SLC14A2: variants seen among roughly 807,000 people sequenced by gnomAD.
SLC14A2 encodes urea transporter 2.
Under a neutral mutation model 104.6 loss-of-function variants are expected in SLC14A2, and 91 were observed. The observed-to-expected ratio is 0.87, with a 90% CI of 0.73 to 1.04. The LOEUF is 1.04. SLC14A2 is among the 50% of genes least tolerant of loss of function. SLC14A2 has a pLI of 0.00. For synonymous variants in SLC14A2, 476 were observed against 466.4 expected (o/e 1.02, Z -0.27); for missense variants, 1,189 against 1,156.0 (o/e 1.03, Z -0.41).
At chr18:45,501,149 A>G (rs1208553386) in intron 2 of SLC14A2, among the ~76,000 whole-genome samples, 1 of 152,266 alleles carries the variant, frequency 6.6e-6, no homozygotes, top group Non-Finnish European at 1.5e-5. Flanking sequence ...CAAAAAGGCT[A>G]TAACTTGCCC....
intron 1 of SLC14A2, among the ~76,000 whole-genome samples, chr18:45,390,332 T>C (rs1371743810): frequency 6.6e-6 from 1 of 152,084 alleles, no homozygotes; most frequent in Non-Finnish European, 1.5e-5. Flanking sequence ...ATCTAATCAC[T>C]TCCTCAGTGC....
At chr18:45,393,355 T>C (rs1325718653) in intron 1 of SLC14A2, among the ~76,000 whole-genome samples, 1 of 152,114 alleles carries the variant, frequency 6.6e-6, no homozygotes, top group Non-Finnish European at 1.5e-5. Context: ...ATGCCTGAAT[T>C]TTTGCCAGTG....
intron 1 of SLC14A2, among the ~76,000 whole-genome samples, chr18:45,237,836 G>A (rs1415291515): frequency 6.6e-6 from 1 of 152,214 alleles, no homozygotes; most frequent in East Asian, 1.9e-4. Flanking sequence ...GCCCCTGGGA[G>A]TGCCTTGTCC....
At position 45,625,826 on chromosome 18, in the gene SLC14A2, C is replaced by T; in HGVS notation, c.294C>T (p.Leu98=). Reference sequence around the variant, plus strand: ...GCCTCTCCAAAGCAGTGGGCTACCTCACGGGCGACATGAAGGAGTACAGGA... The same window carrying T: ...GCCTCTCCAAAGCAGTGGGCTACCTTACGGGCGACATGAAGGAGTACAGGA... ...CICLSKAVGY[L]TGDMKEYRIW... is the part of the protein sequence containing the mutation. Residue 98 remains leucine, a synonymous_variant, in exon 3 of 20, where the codon CTC becomes CTT. Transcript: ENST00000255226. 1 of 1,507,680 alleles carries T rather than the reference C, an allele frequency of 6.6e-7. No homozygotes were observed. The highest frequency in any genetic ancestry group is 1.4e-5 in the South Asian group (1 of 73,858). The allele number at this position is 1,507,680 out of a possible 1,614,324, so 93.4% of individuals were successfully genotyped here.
intron 1 of SLC14A2, among the ~76,000 whole-genome samples, chr18:45,251,140 A>G (rs919659842): frequency 5.9e-5 from 9 of 152,124 alleles, no homozygotes; most frequent in African/African-American, 1.9e-4. Flanking sequence ...AGCAGTATAC[A>G]CTGAACCCAA....
chr18:45,225,754 G>A (rs1346538377), intron 1 of SLC14A2, among the ~76,000 whole-genome samples: 1 of 152,128 alleles, frequency 6.6e-6, no homozygotes, highest in Non-Finnish European at 1.5e-5. Context: ...TGAAGCAATT[G>A]TGAATGGGAG....
At chr18:45,618,295 T>C (rs2045105520) in intron 1 of SLC14A2, among the ~76,000 whole-genome samples, 1 of 152,182 alleles carries the variant, frequency 6.6e-6, no homozygotes, top group Non-Finnish European at 1.5e-5. Flanking sequence ...AATATATCAA[T>C]CCAACTAATA....
At chr18:45,552,387 T>G (rs1456840620) in intron 2 of SLC14A2, among the ~76,000 whole-genome samples, 1 of 117,684 alleles carries the variant, frequency 8.5e-6, no homozygotes, top group Non-Finnish European at 1.9e-5. Flanking sequence ...CCCCACCCCC[T>G]GCATTTTCTT....
chr18:45,343,264 C>T (rs551305755), intron 1 of SLC14A2, among the ~76,000 whole-genome samples: 37 of 151,762 alleles, frequency 2.4e-4, no homozygotes, highest in Non-Finnish European at 5.0e-4. Flanking sequence ...TGAGACTCTG[C>T]ATCTGAAATG....
chr18:45,630,135 T>C (rs1181085551), intron 4 of SLC14A2, among the ~76,000 whole-genome samples: 2 of 152,226 alleles, frequency 1.3e-5, no homozygotes, highest in Non-Finnish European at 2.9e-5. Flanking sequence ...ATTCTAAGCA[T>C]GTTCAGGAGA....
chr18:45,520,956 G>T (rs1256972737), intron 2 of SLC14A2, among the ~76,000 whole-genome samples: 1 of 152,162 alleles, frequency 6.6e-6, no homozygotes, highest in Non-Finnish European at 1.5e-5. Flanking sequence ...CCCCAGCAGT[G>T]GGAATGGGTG....
intron 2 of SLC14A2, among the ~76,000 whole-genome samples, chr18:45,520,130 A>C (rs2043497319): frequency 6.6e-6 from 1 of 152,224 alleles, no homozygotes; most frequent in Non-Finnish European, 1.5e-5. Flanking sequence ...GAAAGTTAAA[A>C]AGATGCTTTA....
chr18:45,182,595 C>T, the SLC14A2 span, among the ~76,000 whole-genome samples: 1 of 151,730 alleles, frequency 6.6e-6, no homozygotes, highest in Non-Finnish European at 1.5e-5. Flanking sequence ...AGAAAAGATA[C>T]ATAGACATCA....
At chr18:45,551,510 G>A (rs1226107288) in intron 2 of SLC14A2, among the ~76,000 whole-genome samples, 2 of 152,202 alleles carry the variant, frequency 1.3e-5, no homozygotes, top group African/African-American at 2.4e-5. Context: ...TTCTGACCAG[G>A]TTCTGTCTGG....
intron 1 of SLC14A2, among the ~76,000 whole-genome samples, chr18:45,263,498 G>C (rs1287075337): frequency 2.0e-5 from 3 of 152,124 alleles, no homozygotes; most frequent in Non-Finnish European, 2.9e-5. Flanking sequence ...CAAATATCCT[G>C]TTTCTGTTCA....
intron 1 of SLC14A2, among the ~76,000 whole-genome samples, chr18:45,335,779 T>C (rs1322450382): frequency 3.3e-5 from 5 of 152,236 alleles, no homozygotes; most frequent in Admixed American, 6.5e-5. Context: ...AAGGTTTTAC[T>C]GCATTTTACT....
At chr18:45,306,987 T>C (rs1465923598) in intron 1 of SLC14A2, among the ~76,000 whole-genome samples, 2 of 152,158 alleles carry the variant, frequency 1.3e-5, no homozygotes, top group Non-Finnish European at 2.9e-5. Context: ...GGAATGCTCA[T>C]GGCTCACGAT....
At chr18:45,540,510 A>C (rs1392223605) in intron 2 of SLC14A2, among the ~76,000 whole-genome samples, 1 of 152,158 alleles carries the variant, frequency 6.6e-6, no homozygotes, top group East Asian at 1.9e-4. Flanking sequence ...TGGGAGGCCA[A>C]GACGGGCAGA....
At chr18:45,173,440 T>A in the SLC14A2 span, among the ~76,000 whole-genome samples, 1 of 147,480 alleles carries the variant, frequency 6.8e-6, no homozygotes, top group Non-Finnish European at 1.5e-5. Context: ...GTGTCAAGAG[T>A]AAAGGAGATT....
Sources: allele counts gnomAD v4.1 joint callset (sites outside exome capture counted in the v4.1 genomes callset), GRCh38; gene constraint gnomAD v4.1.1; transcripts MANE v1.5; gene names NCBI Gene and HGNC (gene_info 2026-07-23, HGNC 2026-07-21).